The following PDE4D variants were observed in gnomAD, a reference collection of about 807,000 sequenced individuals.
PDE4D encodes the protein 3',5'-cyclic-AMP phosphodiesterase 4D.
A neutral mutation model predicts 87.4 loss-of-function variants in PDE4D; 24 were observed. The observed-to-expected ratio is 0.27, with a 90% CI of 0.20 to 0.39. The LOEUF is 0.39. PDE4D is among the 10% of genes least tolerant of loss of function. The pLI, the probability that PDE4D is intolerant of heterozygous loss-of-function variation, is 1.00. For missense variants in PDE4D, 714 were observed against 1,041.0 expected, an observed-to-expected ratio of 0.69 and a Z score of 4.32; for synonymous variants, 384 against 383.2, an observed-to-expected ratio of 1.00 and a Z score of -0.02.
chr5:60,324,343 C>G (rs1218708590), intron 1 of PDE4D, among the ~76,000 whole-genome samples: 1 of 152,190 alleles, frequency 6.6e-6, no homozygotes, highest in Non-Finnish European at 1.5e-5. Flanking sequence ...CTAGGAGCAT[C>G]TCTGTTACAG....
At chr5:59,446,674 C>G (rs1320412454) in intron 1 of PDE4D, among the ~76,000 whole-genome samples, 1 of 152,218 alleles carries the variant, frequency 6.6e-6, no homozygotes, top group Non-Finnish European at 1.5e-5. Context: ...AATGTTTGAA[C>G]AATGGCAATA....
intron 1 of PDE4D, among the ~76,000 whole-genome samples, chr5:59,340,138 C>G (rs1778460100): frequency 6.6e-6 from 1 of 152,004 alleles, no homozygotes; most frequent in Non-Finnish European, 1.5e-5. Context: ...TTTTTTTTCC[C>G]TAGAAACAAG....
intron 1 of PDE4D, among the ~76,000 whole-genome samples, chr5:60,337,241 G>T (rs1757846792): frequency 6.6e-6 from 1 of 150,378 alleles, no homozygotes. Flanking sequence ...GCTGAGGCAG[G>T]AGAATCACTT....
intron 6 of PDE4D, among the ~76,000 whole-genome samples, chr5:59,005,073 G>A (rs927203635): frequency 2.0e-5 from 3 of 152,138 alleles, no homozygotes; most frequent in African/African-American, 4.8e-5. Context: ...CTGATTATAG[G>A]TGACAGGAAA....
chr5:60,262,588 G>A (rs963396004), intron 1 of PDE4D: 7 of 152,152 alleles, frequency 4.6e-5, no homozygotes, highest in Non-Finnish European at 7.3e-5. Context: ...TGCAGAGAAG[G>A]TGTTTCCTGC....
intron 1 of PDE4D, among the ~76,000 whole-genome samples, chr5:60,201,572 C>T (rs968197857): frequency 2.0e-5 from 3 of 152,150 alleles, no homozygotes; most frequent in Non-Finnish European, 4.4e-5. Flanking sequence ...TTCACACATA[C>T]ATGCAAGCAG....
intron 1 of PDE4D, among the ~76,000 whole-genome samples, chr5:59,692,640 TG>T (rs1277474704): frequency 6.6e-6 from 1 of 152,166 alleles, no homozygotes; most frequent in Non-Finnish European, 1.5e-5. Context: ...AGAGTATTGC[TG>T]AACTAGATTC....
At chr5:60,376,549 C>T (rs1215951848) in intron 1 of PDE4D, among the ~76,000 whole-genome samples, 1 of 152,204 alleles carries the variant, frequency 6.6e-6, no homozygotes, top group African/African-American at 2.4e-5. Context: ...AGATATCAAT[C>T]TGCTCATATG....
chr5:59,739,641 C>A (rs72751238), intron 1 of PDE4D, among the ~76,000 whole-genome samples: 4 of 152,070 alleles, frequency 2.6e-5, no homozygotes, highest in African/African-American at 7.2e-5. Context: ...AGTGATACAG[C>A]GATACAGCAG....
intron 1 of PDE4D, among the ~76,000 whole-genome samples, chr5:59,484,339 T>A (rs1804745828): frequency 6.6e-6 from 1 of 152,342 alleles, no homozygotes; most frequent in Middle Eastern, 3.4e-3. Context: ...TGTAATGGAC[T>A]ATAATTGTCT....
At chr5:60,284,596 C>T (rs7711621) in intron 1 of PDE4D, among the ~76,000 whole-genome samples, 28,481 of 151,990 alleles carry the variant, frequency 0.19, 3,370 homozygotes, top group African/African-American at 0.33. Flanking sequence ...GAAAAGAGGC[C>T]CCGATGATAT....
At chr5:59,125,686 G>A (rs1365515780) in intron 5 of PDE4D, among the ~76,000 whole-genome samples, 2 of 152,168 alleles carry the variant, frequency 1.3e-5, no homozygotes, top group Non-Finnish European at 2.9e-5. Context: ...AAATGATCTG[G>A]ACAGAGAGCA....
chr5:59,664,070 C>T (rs756053535), intron 1 of PDE4D, among the ~76,000 whole-genome samples: 6 of 152,116 alleles, frequency 3.9e-5, no homozygotes, highest in Admixed American at 1.3e-4. Context: ...CTAATATTGA[C>T]AAGAAATTTA....
chr5:60,429,921 G>C (rs1292664886), intron 1 of PDE4D: 1 of 433,198 alleles, frequency 2.3e-6, no homozygotes, highest in African/African-American at 2.0e-5. Flanking sequence ...CATTCACACC[G>C]ACTGTAGATT....
intron 1 of PDE4D, among the ~76,000 whole-genome samples, chr5:60,424,602 A>T (rs36080829): frequency 6.6e-6 from 1 of 152,232 alleles, no homozygotes; most frequent in East Asian, 1.9e-4. Context: ...AACTAGAAGC[A>T]TTCCCTTTGA....
intron 1 of PDE4D, among the ~76,000 whole-genome samples, chr5:60,515,599 TTC>T (rs1750760676): frequency 2.4e-5 from 2 of 84,466 alleles, no homozygotes; most frequent in African/African-American, 1.0e-4. Flanking sequence ...CCTTTTCTTT[TTC>T]TTTTTTTTTT....
At chr5:59,752,937 C>G (rs188402712) in intron 1 of PDE4D, among the ~76,000 whole-genome samples, 1 of 152,122 alleles carries the variant, frequency 6.6e-6, no homozygotes, top group Admixed American at 6.6e-5. Context: ...CGGCAAATTA[C>G]GGCCAGTGGG....
intron 2 of PDE4D, among the ~76,000 whole-genome samples, chr5:60,111,210 T>C (rs190587695): frequency 4.9e-4 from 74 of 152,140 alleles, no homozygotes; most frequent in Admixed American, 1.2e-3. Flanking sequence ...ATGTATACGC[T>C]AATTACCCTG....
chr5:60,228,190 A>G (rs1341597491), intron 1 of PDE4D, among the ~76,000 whole-genome samples: 1 of 152,068 alleles, frequency 6.6e-6, no homozygotes, highest in Non-Finnish European at 1.5e-5. Context: ...ACCATTTATA[A>G]TATAGTTTAT....
Sources: allele counts gnomAD v4.1 joint callset (sites outside exome capture counted in the v4.1 genomes callset), GRCh38; gene constraint gnomAD v4.1.1; transcripts MANE v1.5; gene names NCBI Gene and HGNC (gene_info 2026-07-23, HGNC 2026-07-21).